The following MYT1L variants were observed in gnomAD, a reference collection of about 807,000 sequenced individuals.
The protein encoded by MYT1L is myelin transcription factor 1-like protein.
Under a neutral mutation model 126.7 loss-of-function variants are expected in MYT1L, and 12 were observed. That is an observed-to-expected ratio of 0.09 (90% confidence interval 0.06 to 0.15). MYT1L has a LOEUF of 0.15. MYT1L is among the 10% of genes least tolerant of loss of function. The pLI is 1.00. For missense variants in MYT1L, 979 were observed against 1,585.2 expected (o/e 0.62, Z 6.49); for synonymous variants, 541 against 604.2 (o/e 0.90, Z 1.53).
In MYT1L at chr2:2,217,708, A is replaced by ACAAC. The variant is rs200587442; in HGVS notation, c.-420-44721_-420-44720insGTTG. 2.1e-4 allele frequency among the ~76,000 whole-genome samples: 24 copies of ACAAC among 112,660 alleles called. 1 individual carries two copies. The highest frequency in any genetic ancestry group is 4.9e-4 in the East Asian group (2 of 4,076). The allele number at this position is 112,660 out of a possible 152,430, so 73.9% of individuals were successfully genotyped here. Reference sequence around the variant, plus strand: ...AACAACAACAACAACAACAACAACAAAAAAAAAAAAAGAAAGAAGGAAAAA... The same window carrying ACAAC: ...AACAACAACAACAACAACAACAACAACAACAAAAAAAAAAAGAAAGAAGGAAAAA... On this transcript the variant is annotated intron_variant, in intron 2 of 24. Transcript: ENST00000647738.
intron 4 of MYT1L, among the ~76,000 whole-genome samples, chr2:2,031,788 C>T (rs1181011375): frequency 2.8e-5 from 4 of 143,252 alleles, no homozygotes; most frequent in African/African-American, 7.9e-5. Context: ...CTCGCCAGTG[C>T]CTCTCATCCT....
rs534212251 is a variant in MYT1L, at chr2:2,293,523, CG to C, written c.-520-9021del. Among the ~76,000 whole-genome samples the C allele has an allele frequency of 4.1e-4, 62 of 152,258 alleles. No homozygotes were observed. The East Asian group carries it at 6.6e-3, about 16-fold the overall frequency. On this transcript the variant is annotated intron_variant, in intron 1 of 24. Transcript: ENST00000647738. The stretch of plus-strand genomic sequence containing the variant: ...CACACAGGTGGAGCTGGGCTTCCCT[CG>C]GAGCTAAGGAGGTGGAACTTAGAAG...
chr2:2,206,327 C>T (rs1360202549), intron 2 of MYT1L, among the ~76,000 whole-genome samples: 1 of 152,150 alleles, frequency 6.6e-6, no homozygotes, highest in Admixed American at 6.6e-5. Flanking sequence ...TACCATTCAC[C>T]TTTTTCTTTT....
chr2:2,105,038 C>T (rs528085895), intron 3 of MYT1L, among the ~76,000 whole-genome samples: 74 of 152,278 alleles, frequency 4.9e-4, no homozygotes, highest in African/African-American at 1.7e-3. Flanking sequence ...GATTGGAAAA[C>T]AAGCTACTAA....
intron 2 of MYT1L, among the ~76,000 whole-genome samples, chr2:2,261,136 T>A (rs2149278200): frequency 7.6e-6 from 1 of 131,680 alleles, no homozygotes; most frequent in Admixed American, 7.7e-5. Context: ...CATGTGTGTG[T>A]GAGTGCGTGT....
chr2:2,326,798 G>T (rs766588523), intron 1 of MYT1L: 4 of 152,144 alleles, frequency 2.6e-5, no homozygotes, highest in Non-Finnish European at 5.9e-5. Context: ...TGATGTCAAA[G>T]CCAAAAACAC....
chr2:1,986,483 G>C (rs2061031836), intron 5 of MYT1L, among the ~76,000 whole-genome samples: 1 of 152,172 alleles, frequency 6.6e-6, no homozygotes, highest in Non-Finnish European at 1.5e-5. Flanking sequence ...GAAGCTAATG[G>C]AACATTTGAA....
intron 2 of MYT1L, among the ~76,000 whole-genome samples, chr2:2,241,812 C>A (rs532818132): frequency 6.6e-6 from 1 of 152,136 alleles, no homozygotes; most frequent in African/African-American, 2.4e-5. Context: ...GAGGGCATTA[C>A]GCTAAGTGAA....
chr2:1,847,471 G>A (rs967740731), intron 19 of MYT1L, among the ~76,000 whole-genome samples: 3 of 152,152 alleles, frequency 2.0e-5, no homozygotes, highest in Admixed American at 6.5e-5. Context: ...AAAAACGCAT[G>A]TGGGACGGCT....
chr2:1,968,161 G>A (rs1350025005), intron 8 of MYT1L, among the ~76,000 whole-genome samples: 1 of 152,184 alleles, frequency 6.6e-6, no homozygotes, highest in East Asian at 1.9e-4. Context: ...TCTGCTCTCA[G>A]ATCTTATCCC....
intron 8 of MYT1L, among the ~76,000 whole-genome samples, chr2:1,944,516 G>T (rs1328188392): frequency 6.6e-6 from 1 of 151,990 alleles, no homozygotes; most frequent in Non-Finnish European, 1.5e-5. Flanking sequence ...ATTCTGCAGG[G>T]TGAGAGGTGT....
chr2:2,130,703 C>T (rs2082255992), intron 3 of MYT1L, among the ~76,000 whole-genome samples: 2 of 152,066 alleles, frequency 1.3e-5, no homozygotes, highest in South Asian at 2.1e-4. Flanking sequence ...AGTACAACCA[C>T]GGAATTCGCA....
intron 9 of MYT1L, among the ~76,000 whole-genome samples, chr2:1,941,156 C>T (rs1348970704): frequency 1.3e-5 from 2 of 152,186 alleles, no homozygotes; most frequent in African/African-American, 4.8e-5. Flanking sequence ...GAAATATTTA[C>T]ATTTGACCAT....
chr2:2,252,984 A>C (rs1035589275), intron 2 of MYT1L, among the ~76,000 whole-genome samples: 2 of 152,170 alleles, frequency 1.3e-5, no homozygotes, highest in African/African-American at 4.8e-5. Flanking sequence ...TAAAAAAATA[A>C]ACCAAATTTC....
chr2:2,083,536 C>G (rs1051470770), intron 3 of MYT1L, among the ~76,000 whole-genome samples: 2 of 152,230 alleles, frequency 1.3e-5, no homozygotes, highest in African/African-American at 4.8e-5. Context: ...CTATCCACTG[C>G]CACTGCAAGC....
chr2:2,319,740 C>T (rs2096127879), intron 1 of MYT1L, among the ~76,000 whole-genome samples: 1 of 150,830 alleles, frequency 6.6e-6, no homozygotes, highest in African/African-American at 2.5e-5. Context: ...TTTATGATTA[C>T]CCTTTATCAG....
At chr2:2,021,231 G>A (rs994282371) in intron 4 of MYT1L, among the ~76,000 whole-genome samples, 4 of 152,202 alleles carry the variant, frequency 2.6e-5, no homozygotes, top group South Asian at 4.1e-4. Context: ...AGGTACAGGA[G>A]AAAGGGATTC....
At chr2:2,283,954 C>A (rs1450254281) in intron 2 of MYT1L, among the ~76,000 whole-genome samples, 1 of 152,108 alleles carries the variant, frequency 6.6e-6, no homozygotes, top group African/African-American at 2.4e-5. Flanking sequence ...TTCAAGAGAG[C>A]CAGCCATGTC....
intron 3 of MYT1L, among the ~76,000 whole-genome samples, chr2:2,076,315 A>G (rs1308957885): frequency 6.6e-6 from 1 of 152,222 alleles, no homozygotes; most frequent in Admixed American, 6.5e-5. Flanking sequence ...CTTTACAAGC[A>G]TGGATTAAGA....
Sources: gnomAD v4.1 joint callset for allele counts (sites outside exome capture counted in the v4.1 genomes callset) on GRCh38, gnomAD v4.1.1 for gene constraint, MANE v1.5 for transcripts, NCBI Gene and HGNC (gene_info 2026-07-23, HGNC 2026-07-21) for gene names.